The following CDH10 variants were observed in gnomAD, a reference collection of about 807,000 sequenced individuals.
The protein encoded by CDH10 is cadherin 10.
In CDH10, 30 loss-of-function variants were observed where a neutral mutation model predicts 73.1. The observed-to-expected ratio is 0.41, with a 90% confidence interval of 0.31 to 0.56. CDH10 has a LOEUF of 0.56. CDH10 is among the 20% of genes least tolerant of loss of function. The probability of loss-of-function intolerance (pLI) is 0.27; values close to 1 mark genes in which losing one functional copy is unlikely to be tolerated. For missense variants in CDH10, 815 were observed against 973.7 expected (o/e 0.84, Z 2.17); for synonymous variants, 345 against 348.2 (o/e 0.99, Z 0.10).
chr5:24,557,166 C>CAA (rs1350352915), intron 2 of CDH10, among the ~76,000 whole-genome samples: 1 of 147,414 alleles, frequency 6.8e-6, no homozygotes, highest in Non-Finnish European at 1.5e-5. Flanking sequence ...TAACTTTAAA[C>CAA]AAAGATCAGA....
chr5:24,561,201 A>G (rs1744949111), intron 2 of CDH10, among the ~76,000 whole-genome samples: 1 of 152,166 alleles, frequency 6.6e-6, no homozygotes, highest in Admixed American at 6.5e-5. Context: ...TATTATGTCA[A>G]CATATGTGTA....
intron 2 of CDH10, among the ~76,000 whole-genome samples, chr5:24,566,980 A>T (rs1193661290): frequency 1.3e-5 from 2 of 152,108 alleles, no homozygotes; most frequent in Non-Finnish European, 2.9e-5. Flanking sequence ...AAACTCTTAT[A>T]ACACAATTAT....
intron 2 of CDH10, among the ~76,000 whole-genome samples, chr5:24,567,227 G>GA (rs1367989612): frequency 6.6e-6 from 1 of 151,788 alleles, no homozygotes; most frequent in Admixed American, 6.6e-5. Flanking sequence ...TGACTAATAG[G>GA]AATTCTCATG....
intron 5 of CDH10, among the ~76,000 whole-genome samples, chr5:24,529,992 T>C (rs1213597357): frequency 6.6e-6 from 1 of 150,394 alleles, no homozygotes; most frequent in Non-Finnish European, 1.5e-5. Context: ...AGCACCTACC[T>C]GTGAATAAAA....
At chr5:24,562,120 ATT>A (rs1332007367) in intron 2 of CDH10, among the ~76,000 whole-genome samples, 3 of 152,038 alleles carry the variant, frequency 2.0e-5, no homozygotes, top group African/African-American at 7.2e-5. Context: ...TAATATATAT[ATT>A]GTTAAGAAAA....
intron 1 of CDH10, among the ~76,000 whole-genome samples, chr5:24,604,258 G>A (rs1746674070): frequency 6.6e-6 from 1 of 151,996 alleles, no homozygotes; most frequent in South Asian, 2.1e-4. Context: ...GATGTGGGAG[G>A]ATTGCTTGAG....
intron 1 of CDH10, among the ~76,000 whole-genome samples, chr5:24,641,097 G>A (rs924098051): frequency 6.6e-6 from 1 of 151,890 alleles, no homozygotes; most frequent in Non-Finnish European, 1.5e-5. Context: ...TAGTTCAAGT[G>A]AGTGATGACA....
chr5:24,575,743 A>G (rs1745577437), intron 2 of CDH10, among the ~76,000 whole-genome samples: 1 of 152,128 alleles, frequency 6.6e-6, no homozygotes, highest in Non-Finnish European at 1.5e-5. Context: ...TTCCTTTCCA[A>G]TAGTATTTCC....
chr5:24,580,302 T>A (rs939017340), intron 2 of CDH10, among the ~76,000 whole-genome samples: 1 of 152,172 alleles, frequency 6.6e-6, no homozygotes, highest in Non-Finnish European at 1.5e-5. Flanking sequence ...TATTTCCCTG[T>A]TAAATACCTT....
chr5:24,579,833 A>C (rs547524819), intron 2 of CDH10, among the ~76,000 whole-genome samples: 1 of 125,276 alleles, frequency 8.0e-6, no homozygotes, highest in African/African-American at 2.4e-5. Flanking sequence ...TTCTCTCACT[A>C]CACTCACATT....
At chr5:24,573,953 C>T (rs1383415306) in intron 2 of CDH10, among the ~76,000 whole-genome samples, 1 of 151,262 alleles carries the variant, frequency 6.6e-6, no homozygotes, top group East Asian at 2.0e-4. Flanking sequence ...GGCGCGATCT[C>T]CGCTCACTGC....
intron 9 of CDH10, among the ~76,000 whole-genome samples, chr5:24,495,920 A>G (rs1310631489): frequency 6.6e-6 from 1 of 151,618 alleles, no homozygotes; most frequent in African/African-American, 2.4e-5. Flanking sequence ...TTCAGTTGTT[A>G]GGGAAGTAAT....
At chr5:24,583,671 A>C (rs1745879895) in intron 2 of CDH10, among the ~76,000 whole-genome samples, 1 of 152,136 alleles carries the variant, frequency 6.6e-6, no homozygotes, top group Admixed American at 6.5e-5. Flanking sequence ...TTTGAGACGG[A>C]GTCTCACTTT....
intron 2 of CDH10, among the ~76,000 whole-genome samples, chr5:24,590,243 G>A (rs1417390905): frequency 6.6e-6 from 1 of 151,506 alleles, no homozygotes; most frequent in Non-Finnish European, 1.5e-5. Flanking sequence ...ATTAGCCAAT[G>A]GGCTTTATTA....
intron 5 of CDH10, among the ~76,000 whole-genome samples, chr5:24,520,759 G>C (rs2202514): frequency 0.48 from 73,566 of 151,822 alleles, 17,920 homozygotes; most frequent in East Asian, 0.58. Flanking sequence ...TGGCATCTCA[G>C]TCTGTCATCC....
In CDH10 at chr5:24,505,233, G is replaced by T. The variant is rs1487215176; in HGVS notation, c.1272C>A (p.Arg424=). 6.2e-7 allele frequency: 1 copy of T among 1,612,840 alleles called. No homozygotes were observed. Among genetic ancestry groups the T allele is most frequent in the Non-Finnish European group, 8.5e-7 (1 of 1,179,214 alleles). The stretch of plus-strand genomic sequence containing the variant: ...TAAAGATTCTGTCAAGGTCAGTATG[G>T]CGATCCAAGGAAAATCTGAACATGG... ...ISSPIRFSLD[R]HTDLDRIFNI... The change falls in exon 8 of 12, where the codon CGC becomes CGA. Residue 424 remains arginine, a synonymous_variant. Transcript: ENST00000264463.
intron 2 of CDH10, among the ~76,000 whole-genome samples, chr5:24,550,494 T>C (rs191199962): frequency 6.6e-6 from 1 of 152,218 alleles, no homozygotes; most frequent in African/African-American, 2.4e-5. Flanking sequence ...TTTCCAAATT[T>C]ATATCAGATA....
chr5:24,605,069 G>C (rs371321701), intron 1 of CDH10, among the ~76,000 whole-genome samples: 6 of 151,976 alleles, frequency 3.9e-5, no homozygotes, highest in Admixed American at 1.3e-4. Flanking sequence ...CTTTAGCAAA[G>C]AAAATATATA....
intron 8 of CDH10, among the ~76,000 whole-genome samples, chr5:24,499,735 T>G (rs74291175): frequency 6.6e-6 from 1 of 151,506 alleles, no homozygotes; most frequent in Non-Finnish European, 1.5e-5. Context: ...ATATGTAAAT[T>G]AATAAAAATA....
Sources: allele counts gnomAD v4.1 joint callset (sites outside exome capture counted in the v4.1 genomes callset), GRCh38; gene constraint gnomAD v4.1.1; transcripts MANE v1.5; gene names NCBI Gene and HGNC (gene_info 2026-07-23, HGNC 2026-07-21).